The following IDO2 variants were observed in gnomAD, a reference collection of about 807,000 sequenced individuals.
IDO2 encodes indoleamine 2,3-dioxygenase-like 1 protein.
IDO2 carries 46 observed loss-of-function variants against 45.1 expected under a neutral mutation model. The ratio of observed to expected loss-of-function variants is 1.02; its 90% CI spans 0.80 to 1.30. The LOEUF (loss-of-function observed/expected upper bound fraction) is 1.30. IDO2 is among the 50% of genes most tolerant of loss of function. The pLI, the probability that IDO2 is intolerant of heterozygous loss-of-function variation, is 0.00. For missense variants in IDO2, 544 were observed against 491.8 expected (o/e 1.11, Z -1.00); for synonymous variants, 218 against 184.9 (o/e 1.18, Z -1.45).
At chr8:39,992,538 C>T (rs1435723518) in intron 8 of IDO2, among the ~76,000 whole-genome samples, 6 of 152,064 alleles carry the variant, frequency 3.9e-5, no homozygotes, top group Non-Finnish European at 8.8e-5. Flanking sequence ...TTTTTCACAC[C>T]TCTATGTTTG....
At chr8:40,010,041 TG>T (rs200916303) in intron 9 of IDO2, among the ~76,000 whole-genome samples, 1 of 72,706 alleles carries the variant, frequency 1.4e-5, no homozygotes, top group Admixed American at 1.2e-4. Flanking sequence ...ATGCGGTGGG[TG>T]GGGGGATGGA....
chr8:40,009,176 G>A (rs555588997), intron 9 of IDO2, among the ~76,000 whole-genome samples: 45 of 152,164 alleles, frequency 3.0e-4, no homozygotes, highest in Non-Finnish European at 5.4e-4. Context: ...CACAGTGCCC[G>A]GCTAATTTTT....
At chr8:39,957,042 CAAAAAAAAAAAAAA>C (rs56064306) in intron 2 of IDO2, among the ~76,000 whole-genome samples, 1 of 31,342 alleles carries the variant, frequency 3.2e-5, no homozygotes, top group Admixed American at 4.6e-4. Context: ...GACTCCATCT[CAAAAAAAAAAAAAA>C]AAAAAAAAAG....
At chr8:39,936,110 G>A (rs1355918296) in intron 1 of IDO2, among the ~76,000 whole-genome samples, 7 of 152,124 alleles carry the variant, frequency 4.6e-5, no homozygotes, top group African/African-American at 7.2e-5. Context: ...GTAAGTACAG[G>A]TTTAACAATT....
In IDO2 at chr8:39,963,706, ATTC is replaced by A; in HGVS notation, c.195+8_195+10del. The A allele has an allele frequency of 6.4e-7, 1 of 1,569,236 alleles. No individual in the cohort carries two copies. Among genetic ancestry groups the A allele is most frequent in the African/African-American group, 1.4e-5 (1 of 73,996 alleles). Reference sequence around the variant, plus strand: ...AGCTTCAAGCTCATGTGGACAAGGTATTCTTCTCTTCACCCCCTCATCACATTC... The same window carrying A: ...AGCTTCAAGCTCATGTGGACAAGGTATTCTCTTCACCCCCTCATCACATTC... On this transcript the variant is annotated splice_donor_5th_base_variant and intron_variant, in intron 3 of 10. Coordinates refer to ENST00000502986, the Ensembl canonical transcript of IDO2.
intron 9 of IDO2, among the ~76,000 whole-genome samples, chr8:40,008,690 C>T (rs181313385): frequency 2.0e-5 from 3 of 152,316 alleles, no homozygotes; most frequent in Non-Finnish European, 4.4e-5. Context: ...ATGTCAGAAG[C>T]ATCTGATGAG....
rs532660203 is a variant in IDO2, at chr8:39,937,463, A to G, written c.-18+2245A>G. On this transcript the variant is annotated intron_variant, in intron 1 of 10. Transcript: ENST00000502986. The stretch of plus-strand genomic sequence containing the variant: ...GCTTAAAGGGAATGAACTTTATGTA[A>G]TGTAACTGTCTATTTCAGGAAGCTT... Among the ~76,000 whole-genome samples the G allele has an allele frequency of 7.7e-4, 117 of 152,208 alleles. 2 individuals are homozygous for G. The highest frequency in any genetic ancestry group is 2.6e-3 in the African/African-American group (108 of 41,538).
Position 39,985,428 on chromosome 8 carries a change from A to G in IDO2, c.435-80A>G, listed in dbSNP as rs1585411439. On this transcript the variant is annotated intron_variant, in intron 5 of 10. Transcript: ENST00000502986. ...TGGACATGTGACCCTAGAAGTTATT[A>G]ATATATCTGGTTTACAAACTGAATT... The G allele has an allele frequency of 5.6e-6, 7 of 1,248,936 alleles. No individual in the cohort carries two copies. The East Asian group carries it at 1.8e-4, about 32-fold the overall frequency. 77.4% of individuals were successfully genotyped at this position (1,248,936 alleles called of 1,614,324 possible). A position where few individuals can be genotyped will look rare whatever the true frequency, so the allele number is the denominator to read the frequency against.
intron 2 of IDO2, 101 bp from the exon 3 acceptor site, chr8:39,963,507 G>C: frequency 1.5e-6 from 1 of 676,654 alleles, no homozygotes; most frequent in Non-Finnish European, 2.6e-6. Context: ...CAACTGCATT[G>C]ACTTGAATTC....
intron 2 of IDO2, among the ~76,000 whole-genome samples, chr8:39,963,340 T>TCA (rs759543498): frequency 6.6e-6 from 1 of 152,234 alleles, no homozygotes; most frequent in Non-Finnish European, 1.5e-5. Flanking sequence ...GTTATTTGGC[T>TCA]CACACAGATA....
intron 8 of IDO2, among the ~76,000 whole-genome samples, chr8:39,993,795 A>G (rs544048449): frequency 1.1e-3 from 167 of 152,244 alleles, no homozygotes; most frequent in Non-Finnish European, 2.1e-3. Flanking sequence ...GGATCACATG[A>G]GGTCAGTCCG....
intron 8 of IDO2, chr8:39,998,087 G>C: frequency 4.5e-6 from 1 of 224,220 alleles, no homozygotes; most frequent in Non-Finnish European, 9.4e-6. Context: ...TAATTTCAGA[G>C]GTTCCATATA....
At chr8:39,989,660 C>A (rs1170470514) in intron 7 of IDO2, 61 bp from the exon 8 acceptor site, 12 of 1,199,004 alleles carry the variant, frequency 1.0e-5, no homozygotes, top group Non-Finnish European at 1.4e-5. Context: ...ATGAGGCTTA[C>A]TCTGCCTGCA....
At chr8:39,954,649 C>CTTTTTTTT (rs542016899) in intron 2 of IDO2, among the ~76,000 whole-genome samples, 11 of 84,732 alleles carry the variant, frequency 1.3e-4, no homozygotes, top group African/African-American at 2.3e-4. Flanking sequence ...GTCTCTCTCT[C>CTTTTTTTT]TTTTTTTTTT....
At chr8:39,940,654 C>T (rs1393321933) in intron 1 of IDO2, among the ~76,000 whole-genome samples, 11 of 152,198 alleles carry the variant, frequency 7.2e-5, no homozygotes, top group Non-Finnish European at 1.3e-4. Context: ...GGTCACCTTA[C>T]TGTGCTATAG....
intron 8 of IDO2, among the ~76,000 whole-genome samples, chr8:39,996,381 C>T (rs1022545934): frequency 3.9e-5 from 6 of 152,234 alleles, no homozygotes; most frequent in Admixed American, 1.3e-4. Flanking sequence ...GTCTCTCTCT[C>T]CGCCTCAGCT....
intron 8 of IDO2, among the ~76,000 whole-genome samples, chr8:39,994,262 C>CT (rs35840300): frequency 0.48 from 68,233 of 142,318 alleles, 16,579 homozygotes; most frequent in South Asian, 0.53. Context: ...TTCTTTCTTT[C>CT]TTTTTTTTTT....
chr8:39,959,978 C>CAATA (rs910115857), intron 2 of IDO2, among the ~76,000 whole-genome samples: 1 of 151,664 alleles, frequency 6.6e-6, no homozygotes, highest in Non-Finnish European at 1.5e-5. Context: ...AACTGTGTCT[C>CAATA]AATCAATCAA....
At chr8:39,957,989 T>C (rs1807928371) in intron 2 of IDO2, among the ~76,000 whole-genome samples, 1 of 151,974 alleles carries the variant, frequency 6.6e-6, no homozygotes, top group Non-Finnish European at 1.5e-5. Flanking sequence ...CACTGCAACC[T>C]TCGCCTCCTG....
Sources: allele counts gnomAD v4.1 joint callset (sites outside exome capture counted in the v4.1 genomes callset), GRCh38; gene constraint gnomAD v4.1.1; transcripts MANE v1.5; gene names NCBI Gene and HGNC (gene_info 2026-07-23, HGNC 2026-07-21).